NDUFAF2: variants seen among roughly 807,000 people sequenced by gnomAD.
NDUFAF2 encodes NADH:ubiquinone oxidoreductase complex assembly factor 2.
NDUFAF2 carries 13 observed loss-of-function variants against 22.8 expected under a neutral mutation model. The observed-to-expected ratio is 0.57, with a 90% CI of 0.37 to 0.91. The LOEUF (loss-of-function observed/expected upper bound fraction) is 0.91, where lower values mean the gene tolerates loss of function less well. NDUFAF2 is among the 40% of genes least tolerant of loss of function. NDUFAF2 has a pLI of 0.01. For synonymous variants in NDUFAF2, 53 were observed against 64.2 expected (o/e 0.83, Z 0.84); for missense variants, 162 against 195.2 (o/e 0.83, Z 1.01).
At chr5:61,030,127 T>C (rs1423336845) in intron 1 of NDUFAF2, among the ~76,000 whole-genome samples, 1 of 152,112 alleles carries the variant, frequency 6.6e-6, no homozygotes, top group African/African-American at 2.4e-5. Flanking sequence ...GATTTACCAG[T>C]TGGCAGTTCA....
intron 1 of NDUFAF2, among the ~76,000 whole-genome samples, chr5:61,022,250 G>A (rs1297995796): frequency 6.6e-6 from 1 of 152,230 alleles, no homozygotes; most frequent in Non-Finnish European, 1.5e-5. Context: ...TCAATATTAT[G>A]TACTTATTTA....
intron 1 of NDUFAF2, among the ~76,000 whole-genome samples, chr5:60,983,587 A>C (rs1355351629): frequency 1.3e-5 from 2 of 150,466 alleles, no homozygotes; most frequent in African/African-American, 4.9e-5. Context: ...ATAAGGTGTA[A>C]GGAAGGGATC....
chr5:61,139,269 A>G (rs1025023646), intron 3 of NDUFAF2, among the ~76,000 whole-genome samples: 9 of 152,170 alleles, frequency 5.9e-5, no homozygotes, highest in Admixed American at 4.6e-4. Context: ...GATCAAAGTG[A>G]TGACTGGGAG....
chr5:61,040,578 C>G (rs952948565), intron 1 of NDUFAF2, among the ~76,000 whole-genome samples: 2 of 151,324 alleles, frequency 1.3e-5, no homozygotes, highest in African/African-American at 2.4e-5. Flanking sequence ...TTTTTTTGTA[C>G]AAATTTCTAT....
At chr5:61,120,846 AT>A (rs929373632) in intron 3 of NDUFAF2, among the ~76,000 whole-genome samples, 3 of 151,798 alleles carry the variant, frequency 2.0e-5, no homozygotes, top group Non-Finnish European at 4.4e-5. Flanking sequence ...TTTTTGGTTT[AT>A]TTTTTTTATC....
chr5:60,955,840 A>G (rs569969299), intron 1 of NDUFAF2, among the ~76,000 whole-genome samples: 1 of 151,718 alleles, frequency 6.6e-6, no homozygotes, highest in East Asian at 1.9e-4. Flanking sequence ...TATTGTAAGT[A>G]GGTTGTTTTC....
At chr5:61,035,615 C>T (rs879420567) in intron 1 of NDUFAF2, among the ~76,000 whole-genome samples, 16 of 151,984 alleles carry the variant, frequency 1.1e-4, no homozygotes, top group Admixed American at 5.9e-4. Flanking sequence ...CTTCTCTTCC[C>T]CACTACACCA....
intron 1 of NDUFAF2, among the ~76,000 whole-genome samples, chr5:60,994,205 C>T (rs1429294302): frequency 6.6e-6 from 1 of 152,262 alleles, no homozygotes; most frequent in East Asian, 1.9e-4. Flanking sequence ...AAGATAGGAG[C>T]AGGCACTAGG....
intron 1 of NDUFAF2, among the ~76,000 whole-genome samples, chr5:61,023,982 T>C (rs923603493): frequency 1.3e-5 from 2 of 152,212 alleles, no homozygotes; most frequent in African/African-American, 4.8e-5. Context: ...TGTTTAAGCT[T>C]ATGGCTCTGG....
intron 1 of NDUFAF2, among the ~76,000 whole-genome samples, chr5:61,015,737 G>A (rs1255030541): frequency 6.6e-6 from 1 of 152,046 alleles, no homozygotes; most frequent in African/African-American, 2.4e-5. Flanking sequence ...AAATTTCCAA[G>A]TTTCTATTTA....
At chr5:61,013,258 T>C (rs1751463132) in intron 1 of NDUFAF2, among the ~76,000 whole-genome samples, 1 of 151,776 alleles carries the variant, frequency 6.6e-6, no homozygotes, top group African/African-American at 2.4e-5. Context: ...ACAATTTTGT[T>C]CATTTGAAAC....
intron 3 of NDUFAF2, among the ~76,000 whole-genome samples, chr5:61,109,496 A>T (rs1464119133): frequency 3.9e-5 from 6 of 152,192 alleles, no homozygotes. Flanking sequence ...ATTGAATAAC[A>T]ATAGTAAAAG....
chr5:61,065,675 G>C (rs1752217768), intron 1 of NDUFAF2, among the ~76,000 whole-genome samples: 1 of 152,110 alleles, frequency 6.6e-6, no homozygotes, highest in Non-Finnish European at 1.5e-5. Context: ...CAACAGTTTA[G>C]TTATAGAAGG....
At chr5:61,086,087 C>G (rs987129667) in intron 2 of NDUFAF2, among the ~76,000 whole-genome samples, 1 of 151,742 alleles carries the variant, frequency 6.6e-6, no homozygotes, top group African/African-American at 2.4e-5. Flanking sequence ...CCACAGCTCT[C>G]CAGCCTGCGT....
rs1491193758 is a variant in NDUFAF2, at chr5:61,040,286, A to ACACACACACACGCG, written c.128-32838_128-32837insACACACACACGCGC. ...CACACACACACACACACACACACAC[A>ACACACACACACGCG]CGCGCGCGCGCGCGCGAAAGTTGAA... On this transcript the variant is annotated intron_variant, in intron 1 of 3. Coordinates refer to ENST00000296597, the MANE Select transcript of NDUFAF2 (RefSeq NM_174889.5). Among the ~76,000 whole-genome samples the ACACACACACACGCG allele has an allele frequency of 1.9e-3, 180 of 93,064 alleles. 2 individuals are homozygous for ACACACACACACGCG. The highest frequency in any genetic ancestry group is 7.5e-3 in the African/African-American group (173 of 23,038). 61.1% of individuals were successfully genotyped at this position (93,064 alleles called of 152,430 possible).
intron 1 of NDUFAF2, among the ~76,000 whole-genome samples, chr5:61,025,805 A>C (rs1381987125): frequency 6.6e-6 from 1 of 152,126 alleles, no homozygotes; most frequent in Non-Finnish European, 1.5e-5. Flanking sequence ...AAAATAAATA[A>C]GTAAGTAAAT....
chr5:61,121,825 C>A (rs295582), intron 3 of NDUFAF2, among the ~76,000 whole-genome samples: 88,861 of 149,308 alleles, frequency 0.6, 27,137 homozygotes, highest in East Asian at 0.94. Context: ...CTTTCCTTTT[C>A]TTTTCTTTTT....
At chr5:61,006,805 T>A (rs889559186) in intron 1 of NDUFAF2, among the ~76,000 whole-genome samples, 1 of 152,142 alleles carries the variant, frequency 6.6e-6, no homozygotes, top group African/African-American at 2.4e-5. Flanking sequence ...TTAGTTAATA[T>A]TGTAATGAAA....
intron 1 of NDUFAF2, among the ~76,000 whole-genome samples, chr5:61,033,270 T>C (rs895143157): frequency 6.6e-6 from 1 of 152,192 alleles, no homozygotes; most frequent in African/African-American, 2.4e-5. Context: ...TAGATGACTT[T>C]AAAAAGTTGG....
Sources: gnomAD v4.1 joint callset for allele counts (sites outside exome capture counted in the v4.1 genomes callset) on GRCh38, gnomAD v4.1.1 for gene constraint, MANE v1.5 for transcripts, NCBI Gene and HGNC (gene_info 2026-07-23, HGNC 2026-07-21) for gene names.